The following SASS6 variants were observed in gnomAD, a reference collection of about 807,000 sequenced individuals.
The protein encoded by SASS6 is SAS-6 centriolar assembly protein, also known as spindle assembly abnormal protein 6 homolog.
SASS6 carries 59 observed loss-of-function variants against 94.9 expected under a neutral mutation model. That is an observed-to-expected ratio of 0.62 (90% CI 0.50 to 0.77). SASS6 has a LOEUF of 0.77. Among genes scored for constraint, SASS6 ranks in the 30% least tolerant of loss-of-function variants. The pLI is 0.00. For synonymous variants in SASS6, 264 were observed against 270.0 expected (o/e 0.98, Z 0.22); for missense variants, 698 against 734.1 (o/e 0.95, Z 0.57).
At chr1:100,104,756 G>A (rs978617764) in intron 13 of SASS6, among the ~76,000 whole-genome samples, 9 of 150,576 alleles carry the variant, frequency 6.0e-5, no homozygotes, top group African/African-American at 9.8e-5. Context: ...ATGAGCCATC[G>A]TGCCCAGCCT....
At chr1:100,090,106 T>C (rs960403136) in intron 14 of SASS6, among the ~76,000 whole-genome samples, 4 of 151,282 alleles carry the variant, frequency 2.6e-5, no homozygotes, top group Non-Finnish European at 4.4e-5. Flanking sequence ...CAAGAGTAAA[T>C]ATAAAATGAA....
At chr1:100,093,429 A>C (rs1462928665) in intron 14 of SASS6, among the ~76,000 whole-genome samples, 1 of 152,170 alleles carries the variant, frequency 6.6e-6, no homozygotes, top group Non-Finnish European at 1.5e-5. Context: ...TTTAGGACTT[A>C]GGACGTAGTC....
At chr1:100,099,283 AAAC>A (rs1652304610) in intron 14 of SASS6, 1 of 153,304 alleles carries the variant, frequency 6.5e-6, no homozygotes, top group South Asian at 2.1e-4. Flanking sequence ...CACTGACAGA[AAAC>A]AAGCATTTCA....
chr1:100,107,370 C>A lies in SASS6; in HGVS notation c.1326+4G>T. 6.5e-7 allele frequency: 1 copy of A among 1,546,302 alleles called. No individual in the cohort carries two copies. The highest frequency in any genetic ancestry group is 8.8e-7 in the Non-Finnish European group (1 of 1,140,988). On this transcript the variant is annotated splice_donor_region_variant and intron_variant, in intron 11 of 16. Coordinates refer to ENST00000287482, the MANE Select transcript of SASS6 (RefSeq NM_194292.3). ...ACAACATAAAAATTTAAAATATTAA[C>A]TACCTCTTGCTCTTTAATTCGAAGA...
chr1:100,111,006 A>G (rs1360342598), intron 7 of SASS6, among the ~76,000 whole-genome samples: 2 of 152,044 alleles, frequency 1.3e-5, no homozygotes, highest in East Asian at 3.8e-4. Context: ...CCAACAATAA[A>G]ATTTGAACAT....
intron 12 of SASS6, 120 bp from the exon 13 acceptor site, chr1:100,106,023 A>G: frequency 1.6e-6 from 1 of 644,540 alleles, no homozygotes; most frequent in Non-Finnish European, 2.4e-6. Flanking sequence ...ACTACCTGAC[A>G]TCACAGGAGA....
At chr1:100,103,966 TATC>T (rs1249998236) in intron 13 of SASS6, among the ~76,000 whole-genome samples, 4 of 152,228 alleles carry the variant, frequency 2.6e-5, no homozygotes, top group African/African-American at 7.2e-5. Flanking sequence ...CAAACATGGG[TATC>T]TCCAAAAGTG....
chr1:100,107,482 T>C lies in SASS6; in HGVS notation c.1218A>G (p.Thr406=). ...AGAGTTTTTCTTGCTGAATAGTAACTGTATTCTTCAATTTCAACTTACCCA... is the reference window on the plus strand; with the variant it reads ...AGAGTTTTTCTTGCTGAATAGTAACCGTATTCTTCAATTTCAACTTACCCA... ...TLMGKLKLKN[T]VTIQQEKLLA... is the part of the protein sequence containing the mutation. Residue 406 remains threonine, a synonymous_variant, in exon 11 of 17, where the codon ACA becomes ACG. Transcript: ENST00000287482. 6.2e-7 allele frequency: 1 copy of C among 1,605,104 alleles called. No homozygotes were observed. Among genetic ancestry groups the C allele is most frequent in the Non-Finnish European group, 8.5e-7 (1 of 1,172,454 alleles).
At chr1:100,130,673 A>T (rs1342595923) in intron 1 of SASS6, among the ~76,000 whole-genome samples, 2 of 137,310 alleles carry the variant, frequency 1.5e-5, no homozygotes. Context: ...TGGGCAACAG[A>T]GCGAGACTCT....
intron 8 of SASS6, among the ~76,000 whole-genome samples, chr1:100,109,874 C>T (rs540714317): frequency 1.3e-5 from 2 of 151,882 alleles, no homozygotes; most frequent in South Asian, 4.2e-4. Flanking sequence ...GCTCAGTAAG[C>T]ATTAACTATT....
intron 2 of SASS6, 49 bp from the exon 3 acceptor site, chr1:100,123,338 T>C: frequency 2.3e-6 from 2 of 855,952 alleles, no homozygotes. Context: ...ATCTGGCCTT[T>C]TGAGTAATTT....
rs79304465 is a variant in SASS6, at chr1:100,106,129, T to G, written c.1409-226A>C. 2.2e-3 allele frequency among the ~76,000 whole-genome samples: 332 copies of G among 152,284 alleles called. 4 individuals are homozygous for G. The highest frequency in any genetic ancestry group is 7.8e-3 in the African/African-American group (323 of 41,570). On this transcript the variant is annotated intron_variant, in intron 12 of 16. Transcript: ENST00000287482. ...ATTGTATTACTTTCCGAAGCACATA[T>G]TTCTGCTAGTCAAGCAACTCTTTGA...
chr1:100,092,370 G>C (rs1651783789), intron 14 of SASS6, among the ~76,000 whole-genome samples: 2 of 152,154 alleles, frequency 1.3e-5, no homozygotes, highest in South Asian at 4.1e-4. Context: ...AAAGGTAAAA[G>C]AAAGGCATTC....
At chr1:100,128,264 T>C (rs1412142877) in intron 1 of SASS6, among the ~76,000 whole-genome samples, 1 of 152,216 alleles carries the variant, frequency 6.6e-6, no homozygotes, top group Non-Finnish European at 1.5e-5. Context: ...CTCAAACTCC[T>C]GACCTCAAGT....
intron 7 of SASS6, among the ~76,000 whole-genome samples, chr1:100,114,286 A>G (rs1170989410): frequency 6.6e-6 from 1 of 152,140 alleles, no homozygotes; most frequent in African/African-American, 2.4e-5. Flanking sequence ...TCATGAGGCT[A>G]GCATAATTCT....
intron 1 of SASS6, among the ~76,000 whole-genome samples, chr1:100,132,018 C>A (rs1655076332): frequency 6.6e-6 from 1 of 152,200 alleles, no homozygotes; most frequent in South Asian, 2.1e-4. Flanking sequence ...CTGGTCAAAT[C>A]TATTTACGCC....
At position 100,083,878 on chromosome 1, in the gene SASS6, T is replaced by TTA. The variant is rs952085055; in HGVS notation, c.*1448_*1449dup. 14 of 151,974 alleles carry TTA rather than the reference T, an allele frequency of 9.2e-5. No individual in the cohort carries two copies. The highest frequency in any genetic ancestry group is 1.6e-4 in the Non-Finnish European group (11 of 67,910). 9.4% of individuals were successfully genotyped at this position (151,974 alleles called of 1,614,324 possible). A position where few individuals can be genotyped will look rare whatever the true frequency, so the allele number is the denominator to read the frequency against. On this transcript the variant is annotated 3_prime_UTR_variant, in exon 17 of 17. Transcript: ENST00000287482. The stretch of plus-strand genomic sequence containing the variant: ...CCCATCCAAAACATGTCACAATATT[T>TTA]TATATATATTACATAGTATTTACAA...
chr1:100,105,738 G>T (rs373509432), intron 13 of SASS6, 29 bp downstream of exon 13: 460 of 1,597,602 alleles, frequency 2.9e-4, no homozygotes, highest in Non-Finnish European at 3.7e-4. Context: ...AATTCACTAA[G>T]ATCACTCACA....
chr1:100,129,923 A>G (rs1654875190), intron 1 of SASS6, among the ~76,000 whole-genome samples: 1 of 152,204 alleles, frequency 6.6e-6, no homozygotes. Flanking sequence ...TAGTGTACTT[A>G]TATTACTTTA....
Sources: gnomAD v4.1 joint callset for allele counts (sites outside exome capture counted in the v4.1 genomes callset) on GRCh38, gnomAD v4.1.1 for gene constraint, MANE v1.5 for transcripts, NCBI Gene and HGNC (gene_info 2026-07-23, HGNC 2026-07-21) for gene names.